The following ANKRD36 variants were observed in gnomAD, a reference collection of about 807,000 sequenced individuals.
ANKRD36 encodes the protein ankyrin repeat domain 36, also known as ankyrin repeat domain-containing protein 36A.
In ANKRD36, 179 loss-of-function variants were observed where a neutral mutation model predicts 278.1. The observed-to-expected ratio is 0.64, with a 90% confidence interval of 0.57 to 0.73. ANKRD36 has a LOEUF of 0.73. ANKRD36 is among the 30% of genes least tolerant of loss of function. The pLI, the probability that ANKRD36 is intolerant of heterozygous loss-of-function variation, is 0.00. For missense variants in ANKRD36, 1,159 were observed against 1,956.7 expected (o/e 0.59, Z 7.69); for synonymous variants, 320 against 641.1 (o/e 0.50, Z 7.57).
At chr2:97,131,732 A>G (rs2040205091) in intron 6 of ANKRD36, among the ~76,000 whole-genome samples, 1 of 151,966 alleles carries the variant, frequency 6.6e-6, no homozygotes, top group Non-Finnish European at 1.5e-5. Flanking sequence ...AATGAGCTCT[A>G]TGATCGATAG....
chr2:97,132,587 T>C (rs1489001671), intron 6 of ANKRD36, among the ~76,000 whole-genome samples: 1 of 151,998 alleles, frequency 6.6e-6, no homozygotes, highest in Non-Finnish European at 1.5e-5. Flanking sequence ...CTGATCGTAG[T>C]CACAGGTCAC....
At chr2:97,262,876 A>G (rs2076874237) in intron 75 of ANKRD36, among the ~76,000 whole-genome samples, 1 of 144,204 alleles carries the variant, frequency 6.9e-6, no homozygotes, top group Non-Finnish European at 1.5e-5. Context: ...GAAGCTGTGC[A>G]GATGCCACTG....
Position 97,202,402 on chromosome 2 carries a change from GA to G in ANKRD36, c.2959+13del. ...AGAAAAATCTAGGACAGGTAATTTTGAAAACAGATTTAATGTCATGTTCAGT... is the reference window on the plus strand; with the variant it reads ...AGAAAAATCTAGGACAGGTAATTTTGAAACAGATTTAATGTCATGTTCAGT... On this transcript the variant is annotated intron_variant, in intron 48 of 75. Transcript: ENST00000420699. 1.3e-6 allele frequency: 2 copies of G among 1,546,936 alleles called. No homozygotes were observed. The highest frequency in any genetic ancestry group is 1.7e-6 in the Non-Finnish European group (2 of 1,147,800).
chr2:97,226,363 C>T (rs1317494034), intron 67 of ANKRD36, among the ~76,000 whole-genome samples: 1 of 151,874 alleles, frequency 6.6e-6, no homozygotes, highest in Non-Finnish European at 1.5e-5. Flanking sequence ...ATTTGCATTT[C>T]TCTGATGGCC....
rs759388384 is a variant in ANKRD36, at chr2:97,118,511, C to T, written c.480C>T (p.Cys160=). 61 of 1,583,996 alleles carry T rather than the reference C, an allele frequency of 3.9e-5. No homozygotes were observed. Among genetic ancestry groups the T allele is most frequent in the Non-Finnish European group, 5.1e-5 (60 of 1,165,592 alleles). ...LLSHGTNIEE[C]SKCEYQPLLF... is the part of the protein sequence containing the mutation. ...CACATGGTACAAATATTGAAGAATG[C>T]AGCAAGGTATAGGTCAACCAATGTT... The change falls in exon 3 of 76, where the codon TGC becomes TGT. Residue 160 remains cysteine, a synonymous_variant. Transcript: ENST00000420699.
intron 67 of ANKRD36, among the ~76,000 whole-genome samples, chr2:97,225,992 C>A (rs867136849): frequency 1.3e-5 from 2 of 151,780 alleles, no homozygotes; most frequent in East Asian, 2.0e-4. Context: ...TCCATGGTGT[C>A]TATGTGCCAT....
At chr2:97,193,718 T>G (rs1350453819) in intron 38 of ANKRD36, among the ~76,000 whole-genome samples, 3 of 151,634 alleles carry the variant, frequency 2.0e-5, no homozygotes, top group African/African-American at 7.3e-5. Context: ...CTGTTACTAT[T>G]AGGCATCAGA....
Position 97,194,968 on chromosome 2 carries a change from C to T in ANKRD36, c.2551+51C>T, listed in dbSNP as rs2059367207. On this transcript the variant is annotated intron_variant, in intron 40 of 75. Coordinates refer to ENST00000420699, the MANE Select transcript of ANKRD36 (RefSeq NM_001354587.1). ...TCATGTTCAGTCCAGACAAGAAGTT[C>T]TCTTCCCCGAATAAATCAGTGGGGG... The T allele has an allele frequency of 5.2e-6, 8 of 1,534,550 alleles. No individual in the cohort carries two copies. In the South Asian group the frequency reaches 9.6e-5, roughly 18 times the overall value.
Position 97,226,073 on chromosome 2 carries a change from C to G in ANKRD36, c.3951+1194C>G, listed in dbSNP as rs200159006. ...CAAGTCTTTGCTATTGTGAATAGTG[C>G]CGCAAAAACATATGTGTGCATGTGT... On this transcript the variant is annotated intron_variant, in intron 67 of 75. Transcript: ENST00000420699. 6.2e-3 allele frequency among the ~76,000 whole-genome samples: 945 copies of G among 151,782 alleles called. 72 individuals carry two copies. In the East Asian group the frequency reaches 0.11, roughly 17 times the overall value.
At chr2:97,131,192 T>G (rs1350047063) in intron 6 of ANKRD36, among the ~76,000 whole-genome samples, 2 of 151,456 alleles carry the variant, frequency 1.3e-5, no homozygotes, top group Non-Finnish European at 2.9e-5. Context: ...ATAAGTTTCT[T>G]GATTTTTTTT....
Position 97,181,781 on chromosome 2 carries a change from C to G in ANKRD36, c.1825C>G (p.Gln609Glu). 1.9e-6 allele frequency: 3 copies of G among 1,608,746 alleles called. No homozygotes were observed. The highest frequency in any genetic ancestry group is 2.5e-6 in the Non-Finnish European group (3 of 1,178,020). Residue 609 changes from glutamine to glutamate, a missense_variant, in exon 26 of 76, where the codon CAA becomes GAA. Coordinates refer to ENST00000420699, the MANE Select transcript of ANKRD36 (RefSeq NM_001354587.1). ...AGCCACAGAAATAAAGAAGGGACAA[C>G]AATCTGGGACAGGTAATTTTGCAAA... Reference protein sequence around the residue: ...NIATEIKKGQQSGTVSPQKQS... With the variant: ...NIATEIKKGQESGTVSPQKQS...
At position 97,228,864 on chromosome 2, in the gene ANKRD36, A is replaced by G. The variant is rs1381421820; in HGVS notation, c.3951+3985A>G. On this transcript the variant is annotated intron_variant, in intron 67 of 75. Coordinates refer to ENST00000420699, the MANE Select transcript of ANKRD36 (RefSeq NM_001354587.1). ...TTTGTTCTCATTGGTTTCAAAGAAC[A>G]TCTTTATTTCTGCCTTCATTTTGTT... Among the ~76,000 whole-genome samples the G allele has an allele frequency of 6.6e-5, 10 of 152,022 alleles. 2 individuals are homozygous for G. The East Asian group carries it at 2.0e-3, about 30-fold the overall frequency.
chr2:97,192,690 T>G (rs184743221), intron 36 of ANKRD36, among the ~76,000 whole-genome samples, 168 bp from the exon 37 acceptor site: 2 of 151,784 alleles, frequency 1.3e-5, no homozygotes, highest in Non-Finnish European at 2.9e-5. Context: ...TATTCCCTTT[T>G]TTCAGTGTAT....
intron 20 of ANKRD36, among the ~76,000 whole-genome samples, chr2:97,165,814 A>G (rs150117611): frequency 9.8e-3 from 1,314 of 134,700 alleles, no homozygotes; most frequent in African/African-American, 0.028. Flanking sequence ...TCTGTTTTAT[A>G]TATTTGTTTC....
intron 68 of ANKRD36, among the ~76,000 whole-genome samples, chr2:97,241,002 T>G (rs1406557593): frequency 4.1e-5 from 6 of 144,926 alleles, no homozygotes; most frequent in East Asian, 2.0e-4. Context: ...TTTTTTTTTT[T>G]TTTTTTTTTT....
chr2:97,200,273 A>C (rs2060977522), intron 44 of ANKRD36, 61 bp from the exon 45 acceptor site: 4 of 1,605,490 alleles, frequency 2.5e-6, no homozygotes, highest in Admixed American at 1.7e-5. Flanking sequence ...CACTGTGTGA[A>C]TCTATGGATA....
In ANKRD36 at chr2:97,149,343, GT is replaced by G. The variant is rs1159120446; in HGVS notation, c.1087del (p.Ser363LeufsTer23). On this transcript the variant is annotated frameshift_variant, in exon 12 of 76. Coordinates refer to ENST00000420699, the MANE Select transcript of ANKRD36 (RefSeq NM_001354587.1). LOFTEE classifies it high-confidence loss of function. ...AVAQPVTENE[F>X]SLESEIISKL... ...TTGCACAGCCTGTGACAGAGAATGA[GT>G]TTTCTTTGGAATCTGAGGTAGAGTA... The G allele has an allele frequency of 6.5e-6, 10 of 1,533,504 alleles. No homozygotes were observed. Among genetic ancestry groups the G allele is most frequent in the Non-Finnish European group, 8.7e-6 (10 of 1,145,248 alleles). 95.0% of individuals were successfully genotyped at this position (1,533,504 alleles called of 1,614,324 possible).
chr2:97,196,359 A>T (rs2059760539), intron 40 of ANKRD36, among the ~76,000 whole-genome samples: 1 of 151,944 alleles, frequency 6.6e-6, no homozygotes, highest in Admixed American at 6.6e-5. Context: ...TTAGTTTTCG[A>T]CACATGAGAA....
At chr2:97,146,361 T>G (rs890466875) in intron 10 of ANKRD36, 125 bp from the exon 11 acceptor site, 3 of 688,240 alleles carry the variant, frequency 4.4e-6, no homozygotes, top group African/African-American at 3.6e-5. Context: ...TCTCAAGTGA[T>G]ATTTCTGCCT....
Sources: gnomAD v4.1 joint callset for allele counts (sites outside exome capture counted in the v4.1 genomes callset) on GRCh38, gnomAD v4.1.1 for gene constraint, MANE v1.5 for transcripts, NCBI Gene and HGNC (gene_info 2026-07-23, HGNC 2026-07-21) for gene names.